Variants in DPY19L3 observed in about 807,000 individuals in gnomAD.
DPY19L3 encodes the protein dpy-19 like C-mannosyltransferase 3.
In DPY19L3, 51 loss-of-function variants were observed where a neutral mutation model predicts 92.3. The ratio of observed to expected loss-of-function variants is 0.55; its 90% CI spans 0.44 to 0.70. The LOEUF is 0.70. DPY19L3 is among the 30% of genes least tolerant of loss of function. DPY19L3 has a pLI of 0.00. For synonymous variants in DPY19L3, 309 were observed against 315.2 expected, an observed-to-expected ratio of 0.98 and a Z score of 0.21; for missense variants, 706 against 855.9, an observed-to-expected ratio of 0.82 and a Z score of 2.18.
chr19:32,448,981 G>T (rs1382567746), intron 8 of DPY19L3, among the ~76,000 whole-genome samples: 5 of 151,872 alleles, frequency 3.3e-5, no homozygotes, highest in African/African-American at 4.8e-5. Context: ...CCTTTTTCTA[G>T]AAATACTCTC....
intron 17 of DPY19L3, among the ~76,000 whole-genome samples, chr19:32,480,056 A>C (rs961701303): frequency 3.9e-5 from 6 of 152,202 alleles, no homozygotes; most frequent in Non-Finnish European, 8.8e-5. Flanking sequence ...TTAAAGGTAG[A>C]GACTGTGTCT....
At chr19:32,442,860 C>T (rs1160511409) in intron 8 of DPY19L3, among the ~76,000 whole-genome samples, 1 of 152,220 alleles carries the variant, frequency 6.6e-6, no homozygotes, top group African/African-American at 2.4e-5. Context: ...ACCTAGCTGT[C>T]ACTAGGCATG....
At position 32,439,917 on chromosome 19, in the gene DPY19L3, T is replaced by C; in HGVS notation, c.855+7T>C. The C allele has an allele frequency of 1.9e-6, 3 of 1,610,942 alleles. No homozygotes were observed. Among genetic ancestry groups the C allele is most frequent in the Non-Finnish European group, 2.5e-6 (3 of 1,179,054 alleles). ...CATGCTGCCAGCAGTGAAGGTGAGC[T>C]TTGCTTTCTTTTCTCACTTGAGATT... On this transcript the variant is annotated splice_region_variant and intron_variant, in intron 8 of 18. Coordinates refer to ENST00000392250, the MANE Select transcript of DPY19L3 (RefSeq NM_001172774.2).
At position 32,453,280 on chromosome 19, in the gene DPY19L3, G is replaced by C. The variant is rs779442466; in HGVS notation, c.987+4G>C. ...ATTCATTGCAAGAAAACTTCAGGTAGGACTTTTTTTTTGTCCTTTATCAAA... is the reference window on the plus strand; with the variant it reads ...ATTCATTGCAAGAAAACTTCAGGTACGACTTTTTTTTTGTCCTTTATCAAA... On this transcript the variant is annotated splice_donor_region_variant and intron_variant, in intron 9 of 18. Transcript: ENST00000392250. 6.3e-7 allele frequency: 1 copy of C among 1,594,638 alleles called. No individual in the cohort carries two copies. Among genetic ancestry groups the C allele is most frequent in the Non-Finnish European group, 8.5e-7 (1 of 1,174,900 alleles).
chr19:32,444,773 A>G (rs1057489423), intron 8 of DPY19L3, among the ~76,000 whole-genome samples: 16 of 151,680 alleles, frequency 1.1e-4, no homozygotes, highest in African/African-American at 3.6e-4. Flanking sequence ...TTTAAATGAC[A>G]GTGAATTCCT....
intron 18 of DPY19L3, chr19:32,481,054 G>A (rs760733459): frequency 6.1e-6 from 2 of 329,856 alleles, no homozygotes; most frequent in Non-Finnish European, 1.1e-5. Context: ...GGCTTTCAGA[G>A]GCTAAGTTGC....
At chr19:32,415,318 A>G (rs1156435171) in intron 3 of DPY19L3, among the ~76,000 whole-genome samples, 1 of 152,166 alleles carries the variant, frequency 6.6e-6, no homozygotes, top group Non-Finnish European at 1.5e-5. Flanking sequence ...GACCTGAAGG[A>G]TGAGTAAGAG....
In DPY19L3 at chr19:32,449,074, T is replaced by C. The variant is rs143817663; in HGVS notation, c.856-4071T>C. Among the ~76,000 whole-genome samples the C allele has an allele frequency of 7.8e-4, 119 of 152,316 alleles. 2 individuals carry two copies. In the East Asian group the frequency reaches 0.02, roughly 25 times the overall value. ...AAAGATGTTTTTGGAAAAAAAGCAT[T>C]TGTAAATGAGTTAGTATCCTTAAGA... On this transcript the variant is annotated intron_variant, in intron 8 of 18. Coordinates refer to ENST00000392250, the MANE Select transcript of DPY19L3 (RefSeq NM_001172774.2).
intron 3 of DPY19L3, among the ~76,000 whole-genome samples, chr19:32,428,591 A>AT (rs1482202795): frequency 1.3e-5 from 2 of 152,280 alleles, no homozygotes; most frequent in Non-Finnish European, 2.9e-5. Context: ...GTGACCAGAC[A>AT]TTATGTGGGG....
rs1246066374 is a variant in DPY19L3, at chr19:32,453,128, A to T, written c.856-17A>T. 1.2e-6 allele frequency: 2 copies of T among 1,613,516 alleles called. No individual in the cohort carries two copies. Among genetic ancestry groups the T allele is most frequent in the Non-Finnish European group, 1.7e-6 (2 of 1,179,892 alleles). On this transcript the variant is annotated splice_polypyrimidine_tract_variant and intron_variant, in intron 8 of 18. Transcript: ENST00000392250. ...TTGGTAAAATGTCTGTACTCATCTA[A>T]TCTTTGGTTCTTGCAGGCGACATGG...
chr19:32,418,618 A>G (rs1018472737), intron 3 of DPY19L3, among the ~76,000 whole-genome samples: 1 of 152,210 alleles, frequency 6.6e-6, no homozygotes, highest in African/African-American at 2.4e-5. Context: ...TGGAGTGTAT[A>G]TTCCTTTATA....
intron 8 of DPY19L3, among the ~76,000 whole-genome samples, chr19:32,447,839 G>T (rs1969565679): frequency 6.6e-6 from 1 of 151,938 alleles, no homozygotes; most frequent in African/African-American, 2.4e-5. Flanking sequence ...TAGATAGATA[G>T]ATAGATAGAT....
At chr19:32,412,479 TAAA>T (rs902208310) in intron 3 of DPY19L3, 3 of 146,340 alleles carry the variant, frequency 2.1e-5, no homozygotes, top group Admixed American at 1.4e-4. Context: ...GAAAAGGAAA[TAAA>T]AAAGCCACTG....
At chr19:32,455,614 C>A (rs1969840512) in intron 10 of DPY19L3, among the ~76,000 whole-genome samples, 1 of 151,766 alleles carries the variant, frequency 6.6e-6, no homozygotes, top group African/African-American at 2.4e-5. Flanking sequence ...GTAAAGTGGC[C>A]TTACTATCTA....
chr19:32,437,018 G>C (rs541427068), intron 5 of DPY19L3, among the ~76,000 whole-genome samples, 176 bp from the exon 6 acceptor site: 71 of 151,954 alleles, frequency 4.7e-4, no homozygotes, highest in Non-Finnish European at 9.4e-4. Context: ...GTCTCTTCTC[G>C]GTGGTGGGAA....
chr19:32,479,646 G>T (rs759838763), intron 17 of DPY19L3: 17 of 416,380 alleles, frequency 4.1e-5, no homozygotes, highest in Admixed American at 1.4e-4. Context: ...AGGAGGCAGT[G>T]CCTCTCTTCA....
chr19:32,478,680 C>A (rs538154668), intron 17 of DPY19L3, among the ~76,000 whole-genome samples: 1 of 152,190 alleles, frequency 6.6e-6, no homozygotes, highest in Non-Finnish European at 1.5e-5. Context: ...TCTGCTTCTT[C>A]GGCATTTAAT....
At chr19:32,410,584 A>G (rs1968145272) in intron 2 of DPY19L3, among the ~76,000 whole-genome samples, 1 of 152,178 alleles carries the variant, frequency 6.6e-6, no homozygotes, top group Non-Finnish European at 1.5e-5. Context: ...GGAGTTCAAG[A>G]CCAGCCTGGC....
At chr19:32,446,540 G>C (rs117432447) in intron 8 of DPY19L3, among the ~76,000 whole-genome samples, 3,305 of 152,212 alleles carry the variant, frequency 0.022, 41 homozygotes, top group Non-Finnish European at 0.032. Flanking sequence ...CAACATGCAA[G>C]TATCAATCAA....
Sources: allele counts gnomAD v4.1 joint callset (sites outside exome capture counted in the v4.1 genomes callset), GRCh38; gene constraint gnomAD v4.1.1; transcripts MANE v1.5; gene names NCBI Gene and HGNC (gene_info 2026-07-23, HGNC 2026-07-21).